Variants in MCTS1 observed in about 807,000 individuals in gnomAD.
The protein encoded by MCTS1 is MCTS1 re-initiation and release factor, also known as malignant T-cell-amplified sequence 1.
For missense variants in MCTS1, 55 were observed against 128.6 expected (o/e 0.43, Z 2.77); for synonymous variants, 26 against 40.8 (o/e 0.64, Z 1.38).
At position 120,608,373 on chromosome X, in the gene MCTS1, C is replaced by T. The variant is rs370787135; in HGVS notation, c.396+15C>T. The T allele has an allele frequency of 1.7e-6, 2 of 1,161,852 alleles. No individual in the cohort carries two copies. The highest frequency in any genetic ancestry group is 6.0e-5 in the East Asian group (2 of 33,187). ...ATACCATTGTTGTATCCTTCCCAGG[C>T]TAAAACTGCTGAAAAATGTATTCAT... is the stretch of plus-strand genomic sequence containing the variant. On this transcript the variant is annotated intron_variant, in intron 4 of 5. Coordinates refer to ENST00000371317, the MANE Select transcript of MCTS1 (RefSeq NM_014060.3).
In MCTS1 at chrX:120,612,584, G is replaced by A; in HGVS notation, c.*320G>A. On this transcript the variant is annotated 3_prime_UTR_variant, in exon 6 of 6. Transcript: ENST00000371317. ...TTTATGGTAGACCTCTAGAGAAACT[G>A]TCTAGTTAAATGGGGCTAGAAACTA... 5.8e-6 allele frequency: 1 copy of A among 173,267 alleles called. No individual in the cohort carries two copies. Among genetic ancestry groups the A allele is most frequent in the Non-Finnish European group, 1.1e-5 (1 of 94,252 alleles). 14.3% of individuals were successfully genotyped at this position (173,267 alleles called of 1,213,427 possible).
At chrX:120,611,968 GA>G (rs1926696458) in intron 5 of MCTS1, among the ~76,000 whole-genome samples, 1 of 111,869 alleles carries the variant, frequency 8.9e-6, no homozygotes, top group Admixed American at 9.5e-5. Context: ...TGGTTCTATA[GA>G]CCCACTAGTT....
chrX:120,612,079 G>T, intron 5 of MCTS1, 104 bp from the exon 6 acceptor site: 1 of 603,969 alleles, frequency 1.7e-6, no homozygotes, highest in Non-Finnish European at 2.7e-6. Flanking sequence ...TTTACTTGTG[G>T]CTTAATAATT....
At chrX:120,608,571 T>C in intron 4 of MCTS1, 2 of 311,825 alleles carry the variant, frequency 6.4e-6, no homozygotes, top group South Asian at 2.2e-4. Flanking sequence ...TCTTAGAAGT[T>C]AAATGAGAAC....
Position 120,616,844 on chromosome X carries a change from A to G in MCTS1, c.*4580A>G, listed in dbSNP as rs1249821813. Among the ~76,000 whole-genome samples the G allele has an allele frequency of 8.9e-6, 1 of 112,752 alleles. No individual in the cohort carries two copies. Among genetic ancestry groups the G allele is most frequent in the African/African-American group, 3.2e-5 (1 of 31,120 alleles). On this transcript the variant is annotated 3_prime_UTR_variant, in exon 6 of 6. Transcript: ENST00000371317. ...AAAATCTTAGTTGTTACAGAGAATG[A>G]CATGCCTCACTATTAATGTCCAATT...
At position 120,612,469 on chromosome X, in the gene MCTS1, CT is replaced by C; in HGVS notation, c.*206del. On this transcript the variant is annotated 3_prime_UTR_variant, in exon 6 of 6. Coordinates refer to ENST00000371317, the MANE Select transcript of MCTS1 (RefSeq NM_014060.3). ...AGCAAACTTGGACATTAAAAGGTAT[CT>C]GGTAAGTAAGCAAACTCATACAACT... is the stretch of plus-strand genomic sequence containing the variant. 1 of 366,761 alleles carries C rather than the reference CT, an allele frequency of 2.7e-6. No homozygotes were observed. Among genetic ancestry groups the C allele is most frequent in the East Asian group, 4.8e-5 (1 of 20,916 alleles). The allele number at this position is 366,761 out of a possible 1,213,427, so 30.2% of individuals were successfully genotyped here.
chrX:120,608,814 T>C (rs939398032), intron 4 of MCTS1, among the ~76,000 whole-genome samples: 4 of 112,164 alleles, frequency 3.6e-5, no homozygotes, highest in African/African-American at 1.3e-4. Flanking sequence ...TAGGTATCTC[T>C]TACCAAGCAA....
chrX:120,605,260 A>AT (rs748308592), intron 1 of MCTS1, 147 bp from the exon 2 acceptor site: 111 of 524,646 alleles, frequency 2.1e-4, no homozygotes, highest in Non-Finnish European at 2.8e-4. Flanking sequence ...GGGAGATGGT[A>AT]TTTTTTTTTA....
rs1486120850 is a variant in MCTS1 at position 120,615,139 on chromosome X, A to G, written c.*2875A>G. 2.7e-5 allele frequency among the ~76,000 whole-genome samples: 3 copies of G among 112,305 alleles called. No individual in the cohort carries two copies. Among genetic ancestry groups the G allele is most frequent in the Non-Finnish European group, 3.8e-5 (2 of 53,292 alleles). The stretch of plus-strand genomic sequence containing the variant: ...AACATTAGGTCATACATGAAAGGCA[A>G]TTCAAAGAGATTAAACTAGCAGATG... On this transcript the variant is annotated 3_prime_UTR_variant, in exon 6 of 6. Coordinates refer to ENST00000371317, the MANE Select transcript of MCTS1 (RefSeq NM_014060.3).
At position 120,615,771 on chromosome X, in the gene MCTS1, T is replaced by G. The variant is rs1926834886; in HGVS notation, c.*3507T>G. On this transcript the variant is annotated 3_prime_UTR_variant, in exon 6 of 6. Transcript: ENST00000371317. ...CTAGCAGACTGTCTGTTATGGTGGTTTGGTAGTGGTCTGTTGGGAAGCTGC... is the reference window on the plus strand; with the variant it reads ...CTAGCAGACTGTCTGTTATGGTGGTGTGGTAGTGGTCTGTTGGGAAGCTGC... 9.0e-6 allele frequency among the ~76,000 whole-genome samples: 1 copy of G among 111,349 alleles called. No individual in the cohort carries two copies. The highest frequency in any genetic ancestry group is 9.6e-5 in the Admixed American group (1 of 10,397).
rs7059974 is a variant in MCTS1, at chrX:120,609,120, G to C, written c.396+762G>C. Among the ~76,000 whole-genome samples the C allele has an allele frequency of 1.8e-3, 203 of 111,809 alleles. 2 individuals are homozygous for C. Among genetic ancestry groups the C allele is most frequent in the South Asian group, 0.013 (35 of 2,674 alleles). ...TTTATCATAGCTAAAGTAGCCATTT[G>C]CCTCGGGTATAGAAAAGGAATGGTA... On this transcript the variant is annotated intron_variant, in intron 4 of 5. Coordinates refer to ENST00000371317, the MANE Select transcript of MCTS1 (RefSeq NM_014060.3).
chrX:120,606,115 AT>A lies in MCTS1; in HGVS notation c.203del (p.Leu68TyrfsTer15). On this transcript the variant is annotated frameshift_variant, in exon 3 of 6. Transcript: ENST00000371317. LOFTEE classifies it high-confidence loss of function. The part of the protein sequence containing the change: ...HIEILTVNGE[L>X]LFFRQREGPF... ...TAGAAATCCTTACAGTAAATGGAGA[AT>A]TACTCTTTTTTAGACAAAGAGAAGG... 1 of 1,169,528 alleles carries A rather than the reference AT, an allele frequency of 8.6e-7. No homozygotes were observed. The highest frequency in any genetic ancestry group is 1.2e-6 in the Non-Finnish European group (1 of 866,405).
At chrX:120,606,832 T>G (rs1348422524) in intron 3 of MCTS1, among the ~76,000 whole-genome samples, 2 of 108,716 alleles carry the variant, frequency 1.8e-5, no homozygotes, top group Non-Finnish European at 3.8e-5. Context: ...GAACTTACTA[T>G]GTGCTAGGCA....
Position 120,604,271 on chromosome X carries a change from T to G in MCTS1, c.11+24T>G, listed in dbSNP as rs373479308. ...AAGTAAGGACATGCTGTGGCCTCCA[T>G]CGGCTGCTCACAAAGGCGGTGGGGT... On this transcript the variant is annotated intron_variant, in intron 1 of 5. Coordinates refer to ENST00000371317, the MANE Select transcript of MCTS1 (RefSeq NM_014060.3). 2.7e-4 allele frequency: 322 copies of G among 1,184,591 alleles called. 4 individuals are homozygous for G. In the South Asian group the frequency reaches 5.1e-3, roughly 19 times the overall value.
At chrX:120,604,835 C>G in intron 1 of MCTS1, 4 of 1,153,107 alleles carry the variant, frequency 3.5e-6, no homozygotes, top group Non-Finnish European at 4.6e-6. Flanking sequence ...TTGGTAGACG[C>G]AAAAAGCAAA....
At position 120,608,265 on chromosome X, in the gene MCTS1, C is replaced by T; in HGVS notation, c.303C>T (p.Ala101=). Reference sequence around the variant, plus strand: ...CACACCAGCAGGTTGATAAAGGAGCCATCAAATTTGTACTCAGTGGAGCAA... The same window carrying T: ...CACACCAGCAGGTTGATAAAGGAGCTATCAAATTTGTACTCAGTGGAGCAA... ...ILPHQQVDKG[A]IKFVLSGANI... is the part of the protein sequence containing the mutation. Residue 101 remains alanine (A), a synonymous_variant, in exon 4 of 6, where the codon GCC becomes GCT. Transcript: ENST00000371317. 1.7e-6 allele frequency: 2 copies of T among 1,204,391 alleles called. No homozygotes were observed. The highest frequency in any genetic ancestry group is 2.2e-6 in the Non-Finnish European group (2 of 890,653).
rs1188771311 is a variant in MCTS1, at chrX:120,606,070, G to A, written c.165-9G>A. ...TCTAACTTGGTACTTTGTGACATTT[G>A]TCTTACAGCCATGAACATATAGAAA... On this transcript the variant is annotated splice_polypyrimidine_tract_variant and intron_variant, in intron 2 of 5. Transcript: ENST00000371317. The A allele has an allele frequency of 9.7e-7, 1 of 1,031,846 alleles. No individual in the cohort carries two copies. Among genetic ancestry groups the A allele is most frequent in the Non-Finnish European group, 1.3e-6 (1 of 765,050 alleles). The allele number at this position is 1,031,846 out of a possible 1,213,427, so 85.0% of individuals were successfully genotyped here.
intron 3 of MCTS1, among the ~76,000 whole-genome samples, chrX:120,606,641 G>A (rs1345973933): frequency 9.0e-6 from 1 of 111,053 alleles, no homozygotes; most frequent in East Asian, 2.8e-4. Flanking sequence ...AAAGTTAGCC[G>A]GGCGTGGTCA....
At position 120,613,274 on chromosome X, in the gene MCTS1, C is replaced by G. The variant is rs180953490; in HGVS notation, c.*1010C>G. Among the ~76,000 whole-genome samples the G allele has an allele frequency of 9.0e-6, 1 of 111,066 alleles. No homozygotes were observed. The highest frequency in any genetic ancestry group is 1.9e-5 in the Non-Finnish European group (1 of 53,027). Reference sequence around the variant, plus strand: ...GCCAGGCTGGTCTTGAACTCCTGGCCTCAAGTGATCAGCCTCCCAAAGTGC... The same window carrying G: ...GCCAGGCTGGTCTTGAACTCCTGGCGTCAAGTGATCAGCCTCCCAAAGTGC... On this transcript the variant is annotated 3_prime_UTR_variant, in exon 6 of 6. Coordinates refer to ENST00000371317, the MANE Select transcript of MCTS1 (RefSeq NM_014060.3).
Sources: allele counts gnomAD v4.1 joint callset (sites outside exome capture counted in the v4.1 genomes callset), GRCh38; gene constraint gnomAD v4.1.1; transcripts MANE v1.5; gene names NCBI Gene and HGNC (gene_info 2026-07-23, HGNC 2026-07-21).